The following JAZF1 variants were observed in gnomAD, a reference collection of about 807,000 sequenced individuals.
JAZF1 encodes JAZF zinc finger 1.
JAZF1 carries 8 observed loss-of-function variants against 26.4 expected under a neutral mutation model. The observed-to-expected ratio is 0.30, with a 90% confidence interval of 0.18 to 0.55. The LOEUF (loss-of-function observed/expected upper bound fraction) is 0.55, where lower values mean the gene tolerates loss of function less well. Ranked by LOEUF, JAZF1 falls within the 20% of genes least tolerant of loss-of-function variation. JAZF1 has a pLI of 0.94. For synonymous variants in JAZF1, 126 were observed against 122.3 expected, an observed-to-expected ratio of 1.03 and a Z score of -0.20; for missense variants, 199 against 322.0, an observed-to-expected ratio of 0.62 and a Z score of 2.92.
intron 1 of JAZF1, among the ~76,000 whole-genome samples, chr7:28,019,666 T>C (rs1562561117): frequency 1.3e-5 from 2 of 152,124 alleles, no homozygotes; most frequent in East Asian, 3.9e-4. Context: ...GCAAATAATA[T>C]ATTTAATAGG....
chr7:27,915,280 C>T (rs927090808), intron 2 of JAZF1, among the ~76,000 whole-genome samples: 4 of 152,150 alleles, frequency 2.6e-5, no homozygotes, highest in Non-Finnish European at 5.9e-5. Flanking sequence ...TGTAATAAAT[C>T]ACCAAATTCC....
intron 1 of JAZF1, among the ~76,000 whole-genome samples, chr7:28,163,929 C>A (rs1284689673): frequency 1.3e-5 from 2 of 152,252 alleles, no homozygotes; most frequent in Admixed American, 6.5e-5. Context: ...AAGAAACATA[C>A]TTCCTTGACC....
chr7:27,894,765 T>C (rs911269041), intron 3 of JAZF1, among the ~76,000 whole-genome samples: 1 of 152,238 alleles, frequency 6.6e-6, no homozygotes, highest in African/African-American at 2.4e-5. Flanking sequence ...TCTCAAGGTG[T>C]TGTAAAAACA....
intron 3 of JAZF1, among the ~76,000 whole-genome samples, chr7:27,869,673 C>T (rs181488347): frequency 7.7e-4 from 118 of 152,284 alleles, no homozygotes; most frequent in African/African-American, 2.8e-3. Context: ...AGATGTCCCA[C>T]CTGCCACTCG....
At chr7:28,120,609 G>C (rs746875234) in intron 1 of JAZF1, among the ~76,000 whole-genome samples, 2 of 143,018 alleles carry the variant, frequency 1.4e-5, no homozygotes, top group Admixed American at 1.5e-4. Flanking sequence ...CCGGGTTCAA[G>C]TGATTCTCCT....
At chr7:28,035,020 T>C (rs576994348) in intron 1 of JAZF1, among the ~76,000 whole-genome samples, 2 of 151,934 alleles carry the variant, frequency 1.3e-5, no homozygotes, top group Admixed American at 6.6e-5. Context: ...ATCTTTTATA[T>C]ATATAAAAGA....
intron 2 of JAZF1, among the ~76,000 whole-genome samples, chr7:27,950,338 T>C (rs1784988567): frequency 6.6e-6 from 1 of 152,198 alleles, no homozygotes; most frequent in South Asian, 2.1e-4. Flanking sequence ...GGACTAAATA[T>C]GCAAAGCTGC....
At chr7:28,123,634 C>T (rs1001503372) in intron 1 of JAZF1, among the ~76,000 whole-genome samples, 8 of 152,220 alleles carry the variant, frequency 5.3e-5, no homozygotes, top group Non-Finnish European at 1.0e-4. Flanking sequence ...CCCTGCCAGC[C>T]ACGTCAAGAG....
intron 3 of JAZF1, among the ~76,000 whole-genome samples, chr7:27,861,149 C>T (rs1212623794): frequency 3.9e-5 from 6 of 152,210 alleles, no homozygotes. Context: ...GCCCACGAGT[C>T]CTGAGCTGCA....
Position 28,150,533 on chromosome 7 carries a change from C to T in JAZF1, c.115+29930G>A, listed in dbSNP as rs572162185. 5.9e-5 allele frequency among the ~76,000 whole-genome samples: 9 copies of T among 152,356 alleles called. No homozygotes were observed. In the South Asian group the frequency reaches 1.7e-3, roughly 28 times the overall value. On this transcript the variant is annotated intron_variant, in intron 1 of 4. Transcript: ENST00000283928. ...ATCTAACTTGAAGAAACAGTCATGA[C>T]AGCGTGTCTATGTTTTTTTCTCATT...
At chr7:28,043,304 C>T (rs1185472935) in intron 1 of JAZF1, among the ~76,000 whole-genome samples, 1 of 152,170 alleles carries the variant, frequency 6.6e-6, no homozygotes, top group Non-Finnish European at 1.5e-5. Context: ...AGAATGCCAA[C>T]TGTTGTGAGT....
intron 1 of JAZF1, among the ~76,000 whole-genome samples, chr7:27,994,199 T>C (rs1020551032): frequency 1.3e-5 from 2 of 152,176 alleles, no homozygotes; most frequent in Admixed American, 6.5e-5. Flanking sequence ...ATGTCTACAA[T>C]TTTGTTGCTC....
intron 1 of JAZF1, chr7:28,020,443 GC>G: frequency 2.6e-6 from 1 of 382,852 alleles, no homozygotes; most frequent in Non-Finnish European, 5.3e-6. Flanking sequence ...AACGAGGAGA[GC>G]CAGCGCCTCC....
At chr7:28,056,208 A>G (rs1396397174) in intron 1 of JAZF1, among the ~76,000 whole-genome samples, 2 of 151,842 alleles carry the variant, frequency 1.3e-5, no homozygotes, top group Non-Finnish European at 2.9e-5. Flanking sequence ...AAAAAAAAAA[A>G]CCTGGAGCAC....
At chr7:27,921,331 G>A (rs1032490465) in intron 2 of JAZF1, among the ~76,000 whole-genome samples, 2 of 149,918 alleles carry the variant, frequency 1.3e-5, no homozygotes, top group Non-Finnish European at 3.0e-5. Flanking sequence ...CTTCCAGCAA[G>A]TATCTTTTTT....
At chr7:28,093,290 C>T (rs1352720835) in intron 1 of JAZF1, among the ~76,000 whole-genome samples, 1 of 152,104 alleles carries the variant, frequency 6.6e-6, no homozygotes, top group African/African-American at 2.4e-5. Flanking sequence ...GTAAGTCTTG[C>T]GAGATCTGAT....
At chr7:27,981,174 A>G (rs149592509) in intron 2 of JAZF1, among the ~76,000 whole-genome samples, 219 of 152,310 alleles carry the variant, frequency 1.4e-3, no homozygotes, top group East Asian at 1.5e-3. Flanking sequence ...GATCTGTCAA[A>G]TTCCATATTT....
At chr7:28,086,474 G>A (rs914409855) in intron 1 of JAZF1, among the ~76,000 whole-genome samples, 3 of 152,142 alleles carry the variant, frequency 2.0e-5, no homozygotes, top group Admixed American at 6.5e-5. Context: ...ATGATCTGAG[G>A]AGTTCAAGTT....
rs897676642 is a variant in JAZF1, at chr7:28,111,138, G to A, written c.115+69325C>T. Among the ~76,000 whole-genome samples, 2 of 152,100 alleles carry A rather than the reference G, an allele frequency of 1.3e-5. 1 individual carries two copies. The highest frequency in any genetic ancestry group is 4.1e-4 in the South Asian group (2 of 4,826). Reference sequence around the variant, plus strand: ...GTCTATTTTATGCTTGATACAACCCGAGTATCAAAGTATTCATAGATAAAG... The same window carrying A: ...GTCTATTTTATGCTTGATACAACCCAAGTATCAAAGTATTCATAGATAAAG... On this transcript the variant is annotated intron_variant, in intron 1 of 4. Transcript: ENST00000283928.
Sources: gnomAD v4.1 joint callset for allele counts (sites outside exome capture counted in the v4.1 genomes callset) on GRCh38, gnomAD v4.1.1 for gene constraint, MANE v1.5 for transcripts, NCBI Gene and HGNC (gene_info 2026-07-23, HGNC 2026-07-21) for gene names.